The following NIBAN1 variants were observed in gnomAD, a reference collection of about 807,000 sequenced individuals.
The protein encoded by NIBAN1 is protein Niban 1.
NIBAN1 carries 81 observed loss-of-function variants against 75.1 expected under a neutral mutation model. The observed-to-expected ratio is 1.08, with a 90% CI of 0.90 to 1.30. The LOEUF (loss-of-function observed/expected upper bound fraction) is 1.30, where lower values mean the gene tolerates loss of function less well. Ranked by LOEUF, NIBAN1 falls within the 50% of genes most tolerant of loss-of-function variation. NIBAN1 has a pLI of 0.00. For missense variants in NIBAN1, 1,133 were observed against 1,128.1 expected, an observed-to-expected ratio of 1.00 and a Z score of -0.06; for synonymous variants, 436 against 424.8, an observed-to-expected ratio of 1.03 and a Z score of -0.32.
chr1:184,803,384 C>T (rs1438763813), intron 12 of NIBAN1, among the ~76,000 whole-genome samples: 1 of 152,224 alleles, frequency 6.6e-6, no homozygotes, highest in Non-Finnish European at 1.5e-5. Context: ...TGTTTGTGTG[C>T]TACAACAGCA....
rs558448212 is a variant in NIBAN1, at chr1:184,815,979, T to C, written c.1173+2659A>G. On this transcript the variant is annotated intron_variant, in intron 9 of 13. Coordinates refer to ENST00000367511, the MANE Select transcript of NIBAN1 (RefSeq NM_052966.4). ...ACTTTAAATTCTCTTGTGAAAGTTA[T>C]GCTAAATAATAAAATTGGCTAAACA... Among the ~76,000 whole-genome samples, 5 of 152,378 alleles carry C rather than the reference T, an allele frequency of 3.3e-5. No homozygotes were observed. The East Asian group carries it at 5.8e-4, about 18-fold the overall frequency.
At chr1:184,942,464 C>G (rs929409953) in intron 1 of NIBAN1, among the ~76,000 whole-genome samples, 4 of 152,212 alleles carry the variant, frequency 2.6e-5, no homozygotes, top group Non-Finnish European at 4.4e-5. Context: ...GAGGCCGAAG[C>G]TGGCGGATCA....
intron 1 of NIBAN1, among the ~76,000 whole-genome samples, chr1:184,946,309 A>G (rs72739642): frequency 6.6e-6 from 1 of 152,342 alleles, no homozygotes; most frequent in Non-Finnish European, 1.5e-5. Flanking sequence ...CAGAAAAAGG[A>G]AGCTGAGGAT....
intron 1 of NIBAN1, among the ~76,000 whole-genome samples, chr1:184,955,133 A>C (rs770037788): frequency 6.6e-6 from 1 of 152,122 alleles, no homozygotes; most frequent in African/African-American, 2.4e-5. Flanking sequence ...ATTAAATAAT[A>C]TTAATTATTT....
At chr1:184,917,236 A>C (rs1452210513) in intron 1 of NIBAN1, among the ~76,000 whole-genome samples, 5 of 139,862 alleles carry the variant, frequency 3.6e-5, no homozygotes, top group South Asian at 2.2e-4. Context: ...ATGAAGTCTC[A>C]CTCTGTCGCC....
chr1:184,957,313 T>G (rs1368419977), intron 1 of NIBAN1, among the ~76,000 whole-genome samples: 3 of 152,196 alleles, frequency 2.0e-5, no homozygotes, highest in Non-Finnish European at 4.4e-5. Flanking sequence ...AAGGTGCCTA[T>G]TTAAACCCTG....
intron 5 of NIBAN1, among the ~76,000 whole-genome samples, chr1:184,838,883 A>G (rs142398244): frequency 6.6e-6 from 1 of 152,316 alleles, no homozygotes; most frequent in East Asian, 1.9e-4. Flanking sequence ...GTGATTTGTG[A>G]AAGTTATGTA....
intron 2 of NIBAN1, among the ~76,000 whole-genome samples, chr1:184,894,855 G>T (rs768807712): frequency 6.6e-6 from 1 of 152,190 alleles, no homozygotes; most frequent in Non-Finnish European, 1.5e-5. Context: ...TATGTGCTGT[G>T]CGGGCATTTC....
chr1:184,957,483 T>C (rs1057483118), intron 1 of NIBAN1, among the ~76,000 whole-genome samples: 1 of 152,210 alleles, frequency 6.6e-6, no homozygotes, highest in Admixed American at 6.5e-5. Flanking sequence ...GCATTGTGTT[T>C]AAACACTCTG....
chr1:184,883,500 A>T (rs1656429630), intron 5 of NIBAN1, among the ~76,000 whole-genome samples: 1 of 152,192 alleles, frequency 6.6e-6, no homozygotes, highest in African/African-American at 2.4e-5. Context: ...GTTATCTGTA[A>T]CTGAAGACTT....
At chr1:184,813,195 G>A (rs969103548) in intron 9 of NIBAN1, among the ~76,000 whole-genome samples, 1 of 152,122 alleles carries the variant, frequency 6.6e-6, no homozygotes, top group Non-Finnish European at 1.5e-5. Flanking sequence ...ACTGTGTAAT[G>A]TTCTTCTGTC....
chr1:184,844,238 C>T (rs1314945343), intron 5 of NIBAN1, among the ~76,000 whole-genome samples: 1 of 152,188 alleles, frequency 6.6e-6, no homozygotes, highest in Non-Finnish European at 1.5e-5. Flanking sequence ...TGTGAGAGCA[C>T]ACTTTCTACA....
chr1:184,869,123 A>G (rs1345102064), intron 5 of NIBAN1, among the ~76,000 whole-genome samples: 1 of 152,200 alleles, frequency 6.6e-6, no homozygotes, highest in Non-Finnish European at 1.5e-5. Flanking sequence ...GAAACAGACT[A>G]AATAATTTTA....
chr1:184,812,818 C>T (rs1388116740), intron 9 of NIBAN1, among the ~76,000 whole-genome samples: 1 of 152,164 alleles, frequency 6.6e-6, no homozygotes, highest in South Asian at 2.1e-4. Flanking sequence ...GGTGCAATTC[C>T]CTGCTTAGGA....
chr1:184,956,954 C>A (rs1658506186), intron 1 of NIBAN1, among the ~76,000 whole-genome samples: 1 of 152,218 alleles, frequency 6.6e-6, no homozygotes, highest in Non-Finnish European at 1.5e-5. Context: ...AATTAATGTA[C>A]AACTGAAACA....
At position 184,823,179 on chromosome 1, in the gene NIBAN1, C is replaced by A. The variant is rs1449773600; in HGVS notation, c.973G>T (p.Gly325Ter). ...TATCTCTACTGACCTTTGATCTTTC[C>A]AATTAAATAGTTCTTTGAGTTCACA... ...QIVNSKNYLI[G>*]KIKAMVAQPA... is the part of the protein sequence containing the mutation. Residue 325 changes from glycine to a stop codon, truncating the protein, a stop_gained, in exon 8 of 14, where the codon GGA becomes TGA. Coordinates refer to ENST00000367511, the MANE Select transcript of NIBAN1 (RefSeq NM_052966.4). LOFTEE classifies it high-confidence loss of function. 1 of 1,614,076 alleles carries A rather than the reference C, an allele frequency of 6.2e-7. No homozygotes were observed. The highest frequency in any genetic ancestry group is 1.7e-5 in the Admixed American group (1 of 60,016).
At chr1:184,819,885 G>A (rs1654646478) in intron 8 of NIBAN1, among the ~76,000 whole-genome samples, 1 of 152,178 alleles carries the variant, frequency 6.6e-6, no homozygotes, top group South Asian at 2.1e-4. Flanking sequence ...GTTCTTCTTG[G>A]GAATTTGCTT....
At chr1:184,905,161 A>C (rs986581520) in intron 1 of NIBAN1, among the ~76,000 whole-genome samples, 1 of 152,130 alleles carries the variant, frequency 6.6e-6, no homozygotes, top group Non-Finnish European at 1.5e-5. Flanking sequence ...GCCGGAGTCC[A>C]GGGCTGATGG....
chr1:184,883,040 C>G (rs1372933435), intron 5 of NIBAN1, among the ~76,000 whole-genome samples: 1 of 152,140 alleles, frequency 6.6e-6, no homozygotes, highest in Non-Finnish European at 1.5e-5. Context: ...GAGTCCCCAT[C>G]AATACACAGC....
Sources: gnomAD v4.1 joint callset for allele counts (sites outside exome capture counted in the v4.1 genomes callset) on GRCh38, gnomAD v4.1.1 for gene constraint, MANE v1.5 for transcripts, NCBI Gene and HGNC (gene_info 2026-07-23, HGNC 2026-07-21) for gene names.